Variants in TTC3 observed in about 807,000 individuals in gnomAD.
TTC3 encodes tetratricopeptide repeat domain 3.
A neutral mutation model predicts 249.6 loss-of-function variants in TTC3; 180 were observed. The ratio of observed to expected loss-of-function variants is 0.72; its 90% CI spans 0.64 to 0.82. TTC3 has a LOEUF of 0.82. Among genes scored for constraint, TTC3 ranks in the 40% least tolerant of loss-of-function variants. The pLI, the probability that TTC3 is intolerant of heterozygous loss-of-function variation, is 0.00. For missense variants in TTC3, 2,061 were observed against 2,398.4 expected (o/e 0.86, Z 2.94); for synonymous variants, 717 against 805.0 (o/e 0.89, Z 1.85).
rs377025235 is a variant in TTC3 at position 37,144,242 on chromosome 21, T to TAA, written c.1773-276_1773-275dup. Among the ~76,000 whole-genome samples the TAA allele has an allele frequency of 8.5e-4, 128 of 150,662 alleles. 4 individuals carry two copies. The Middle Eastern group carries it at 0.01, about 12-fold the overall frequency. On this transcript the variant is annotated intron_variant, in intron 20 of 45. Transcript: ENST00000355666. Reference sequence around the variant, plus strand: ...ATGTACCCTAGAACTTAAAGTATAATAAAAAAAATATATATATATAAACAA... The same window carrying TAA: ...ATGTACCCTAGAACTTAAAGTATAATAAAAAAAAAATATATATATATAAACAA...
intron 1 of TTC3, among the ~76,000 whole-genome samples, chr21:37,074,088 A>G (rs2070451536): frequency 6.6e-6 from 1 of 152,204 alleles, no homozygotes; most frequent in African/African-American, 2.4e-5. Context: ...TGTGCGTGTC[A>G]CGACTCTGTT....
exon 36 of TTC3, chr21:37,182,775 T>A (rs2148154245): frequency 6.3e-7 from 1 of 1,581,336 alleles, no homozygotes; most frequent in African/African-American, 1.4e-5. Context: ...TGTTTTTAGA[T>A]CTCAAAGACG....
intron 17 of TTC3, among the ~76,000 whole-genome samples, chr21:37,133,555 C>A (rs1439748452): frequency 6.6e-6 from 1 of 152,142 alleles, no homozygotes; most frequent in Non-Finnish European, 1.5e-5. Flanking sequence ...AATATGATCG[C>A]TGTTTTTGAG....
At chr21:37,188,566 C>T (rs1227561827) in exon 39 of TTC3, 1 of 1,613,878 alleles carries the variant, frequency 6.2e-7, no homozygotes, top group Non-Finnish European at 8.5e-7. Context: ...AAGCAGAAGC[C>T]TTTCTGAAGA....
intron 11 of TTC3, among the ~76,000 whole-genome samples, chr21:37,110,734 A>C (rs965254382): frequency 3.3e-5 from 5 of 152,164 alleles, no homozygotes; most frequent in African/African-American, 1.2e-4. Flanking sequence ...GAGAAGAGCA[A>C]CTCCAAGACA....
intron 6 of TTC3, chr21:37,090,537 T>G: frequency 1.1e-6 from 1 of 934,572 alleles, no homozygotes; most frequent in Non-Finnish European, 1.3e-6. Flanking sequence ...CTTTTTCTCT[T>G]TTAGATTATT....
At chr21:37,143,936 C>A (rs2078738884) in intron 20 of TTC3, among the ~76,000 whole-genome samples, 1 of 147,944 alleles carries the variant, frequency 6.8e-6, no homozygotes, top group South Asian at 2.2e-4. Context: ...AGTTCATGTC[C>A]TTTGTAGGGA....
At chr21:37,140,521 C>T in intron 19 of TTC3, 40 bp from the exon 20 acceptor site, 1 of 1,291,826 alleles carries the variant, frequency 7.7e-7, no homozygotes, top group South Asian at 1.7e-5. Context: ...CAGTATTTCT[C>T]TTTGTATGTA....
At chr21:37,099,306 C>T (rs942801152) in intron 10 of TTC3, among the ~76,000 whole-genome samples, 14 of 152,128 alleles carry the variant, frequency 9.2e-5, no homozygotes, top group Non-Finnish European at 4.4e-5. Context: ...TGTATTAACT[C>T]GTAAAACCAT....
chr21:37,097,406 T>C (rs1380987725), intron 10 of TTC3, among the ~76,000 whole-genome samples: 4 of 152,148 alleles, frequency 2.6e-5, no homozygotes, highest in Non-Finnish European at 2.9e-5. Flanking sequence ...ATCCACACAG[T>C]AGAAGAATAT....
chr21:37,129,132 T>C, intron 16 of TTC3, 69 bp downstream of exon 16: 1 of 1,219,136 alleles, frequency 8.2e-7, no homozygotes, highest in Non-Finnish European at 1.1e-6. Context: ...GGAAAAAAAA[T>C]TGTTTTTCGA....
Position 37,162,144 on chromosome 21 carries a change from A to G in TTC3, c.3170+81A>G, listed in dbSNP as rs1021144163. 9.3e-6 allele frequency: 8 copies of G among 860,562 alleles called. No individual in the cohort carries two copies. The African/African-American group carries it at 1.4e-4, about 15-fold the overall frequency. 53.3% of individuals were successfully genotyped at this position (860,562 alleles called of 1,614,324 possible). ...AAGTTGTGTTAATTTAATATATATA[A>G]ACTTGTGTTTTATTTCCCTAACTTT... On this transcript the variant is annotated intron_variant, in intron 31 of 45. Coordinates refer to ENST00000355666, the Ensembl canonical transcript of TTC3.
intron 10 of TTC3, among the ~76,000 whole-genome samples, chr21:37,102,335 A>G (rs1172776883): frequency 6.6e-6 from 1 of 152,192 alleles, no homozygotes; most frequent in Admixed American, 6.5e-5. Flanking sequence ...AATTGAGGAA[A>G]AAAGGAATAT....
At chr21:37,165,799 A>G in exon 33 of TTC3, 2 of 1,614,072 alleles carry the variant, frequency 1.2e-6, no homozygotes, top group East Asian at 2.2e-5. Context: ...AAGAAATTTC[A>G]AAAGCAGGGG....
At chr21:37,120,821 G>A (rs1048038009) in intron 11 of TTC3, among the ~76,000 whole-genome samples, 1 of 152,156 alleles carries the variant, frequency 6.6e-6, no homozygotes, top group Non-Finnish European at 1.5e-5. Flanking sequence ...TAAAAGCGTT[G>A]TTTGTTTTTT....
At chr21:37,081,580 A>G (rs2071668630) in intron 1 of TTC3, 1 of 152,188 alleles carries the variant, frequency 6.6e-6, no homozygotes, top group Non-Finnish European at 1.5e-5. Context: ...CATGAGATCT[A>G]GAAGTTTCTG....
At chr21:37,133,684 A>G (rs1420161513) in intron 17 of TTC3, among the ~76,000 whole-genome samples, 1 of 152,118 alleles carries the variant, frequency 6.6e-6, no homozygotes, top group African/African-American at 2.4e-5. Flanking sequence ...TTCAGGACAG[A>G]TCATTTATGT....
At chr21:37,183,289 A>G (rs2082923796) in intron 36 of TTC3, among the ~76,000 whole-genome samples, 1 of 152,152 alleles carries the variant, frequency 6.6e-6, no homozygotes, top group South Asian at 2.1e-4. Flanking sequence ...TGTGATGATT[A>G]TTTATAATTA....
intron 1 of TTC3, among the ~76,000 whole-genome samples, chr21:37,076,311 AAC>A (rs1227355353): frequency 6.6e-6 from 1 of 152,234 alleles, no homozygotes; most frequent in Non-Finnish European, 1.5e-5. Context: ...GTGTGAATAT[AAC>A]ACAGTGTATG....
Sources: gnomAD v4.1 joint callset for allele counts (sites outside exome capture counted in the v4.1 genomes callset) on GRCh38, gnomAD v4.1.1 for gene constraint, MANE v1.5 for transcripts, NCBI Gene and HGNC (gene_info 2026-07-23, HGNC 2026-07-21) for gene names.